The following MACROD2 variants were observed in gnomAD, a reference collection of about 807,000 sequenced individuals.
MACROD2 encodes the protein mono-ADP ribosylhydrolase 2.
In MACROD2, 36 loss-of-function variants were observed where a neutral mutation model predicts 70.4. The ratio of observed to expected loss-of-function variants is 0.51; its 90% CI spans 0.39 to 0.68. The LOEUF is 0.68. MACROD2 is among the 30% of genes least tolerant of loss of function. The pLI, the probability that MACROD2 is intolerant of heterozygous loss-of-function variation, is 0.00. For synonymous variants in MACROD2, 172 were observed against 178.8 expected, an observed-to-expected ratio of 0.96 and a Z score of 0.30; for missense variants, 496 against 538.4, an observed-to-expected ratio of 0.92 and a Z score of 0.78.
intron 6 of MACROD2, among the ~76,000 whole-genome samples, chr20:15,329,308 G>A (rs2077966356): frequency 6.6e-6 from 1 of 152,064 alleles, no homozygotes; most frequent in Admixed American, 6.6e-5. Context: ...GGGTGAGAGT[G>A]GTGTATCTGT....
chr20:15,355,743 C>T (rs1600285001), intron 6 of MACROD2, among the ~76,000 whole-genome samples: 1 of 152,178 alleles, frequency 6.6e-6, no homozygotes, highest in South Asian at 2.1e-4. Context: ...AATACTATCA[C>T]TTACGAAATT....
chr20:15,519,286 G>T (rs13041344), intron 8 of MACROD2, among the ~76,000 whole-genome samples: 1 of 151,804 alleles, frequency 6.6e-6, no homozygotes, highest in Non-Finnish European at 1.5e-5. Flanking sequence ...AATTTTTTTT[G>T]TTTGTTTTTT....
At chr20:15,480,588 G>C (rs1168571890) in intron 7 of MACROD2, among the ~76,000 whole-genome samples, 2 of 152,142 alleles carry the variant, frequency 1.3e-5, no homozygotes, top group Admixed American at 1.3e-4. Flanking sequence ...GTGGATGGCT[G>C]CCTGAGTTCT....
intron 8 of MACROD2, among the ~76,000 whole-genome samples, chr20:15,626,276 T>C (rs1474354098): frequency 6.6e-6 from 1 of 152,228 alleles, no homozygotes; most frequent in Non-Finnish European, 1.5e-5. Context: ...TATTACACAC[T>C]GGGATATGTT....
At chr20:14,374,642 A>G (rs2122756833) in intron 3 of MACROD2, among the ~76,000 whole-genome samples, 1 of 152,276 alleles carries the variant, frequency 6.6e-6, no homozygotes, top group Admixed American at 6.5e-5. Flanking sequence ...CATCAGCAAT[A>G]ATAGTTGGCT....
At chr20:15,722,944 C>T (rs967919392) in intron 8 of MACROD2, among the ~76,000 whole-genome samples, 23 of 152,116 alleles carry the variant, frequency 1.5e-4, no homozygotes, top group African/African-American at 5.1e-4. Flanking sequence ...ATATTAATAT[C>T]CAGTTGTCCC....
intron 3 of MACROD2, among the ~76,000 whole-genome samples, chr20:14,269,196 A>C (rs371004510): frequency 3.3e-5 from 5 of 152,206 alleles, no homozygotes; most frequent in African/African-American, 1.2e-4. Context: ...TAGATAATAC[A>C]CAGATCAACC....
intron 4 of MACROD2, among the ~76,000 whole-genome samples, chr20:14,619,439 G>GAGGA (rs1568702369): frequency 0.028 from 1,556 of 56,286 alleles, 129 homozygotes; most frequent in African/African-American, 0.07. Context: ...GGAAGGGAGG[G>GAGGA]AGGGAGGAAG....
chr20:14,710,458 T>C (rs1368272485), intron 5 of MACROD2, among the ~76,000 whole-genome samples: 1 of 152,228 alleles, frequency 6.6e-6, no homozygotes, highest in African/African-American at 2.4e-5. Flanking sequence ...TGGTTTACAG[T>C]TTCATCTTGC....
intron 8 of MACROD2, among the ~76,000 whole-genome samples, chr20:15,734,653 A>G (rs1021925899): frequency 2.0e-5 from 3 of 152,216 alleles, no homozygotes; most frequent in Non-Finnish European, 4.4e-5. Flanking sequence ...AACAAAAATC[A>G]TCTTCAACAA....
intron 4 of MACROD2, among the ~76,000 whole-genome samples, chr20:14,623,440 G>T (rs562889163): frequency 3.9e-5 from 6 of 152,248 alleles, no homozygotes; most frequent in African/African-American, 1.4e-4. Context: ...TTAACACCCT[G>T]GCAAGGGCTT....
intron 5 of MACROD2, among the ~76,000 whole-genome samples, chr20:14,716,048 A>T (rs960885942): frequency 6.6e-6 from 1 of 152,188 alleles, no homozygotes; most frequent in Non-Finnish European, 1.5e-5. Context: ...TGAACGCTAC[A>T]TATTCATGCA....
chr20:14,676,895 A>T (rs2070868698), intron 4 of MACROD2, among the ~76,000 whole-genome samples: 1 of 152,200 alleles, frequency 6.6e-6, no homozygotes, highest in African/African-American at 2.4e-5. Flanking sequence ...ATCACCACTG[A>T]TCCCATAGAA....
chr20:15,368,313 G>A (rs932198400), intron 6 of MACROD2, among the ~76,000 whole-genome samples: 1 of 151,840 alleles, frequency 6.6e-6, no homozygotes, highest in African/African-American at 2.4e-5. Context: ...GCTTTTCTAA[G>A]TAATTTGTAA....
In MACROD2 at chr20:14,520,318, AC is replaced by A. The variant is rs757528580; in HGVS notation, c.301+26811del. ...CTTCTTTTGAAACCCAACAAAAACA[AC>A]AAAAAAGAAAGAAAACTCAAGAAAA... On this transcript the variant is annotated intron_variant, in intron 4 of 17. Transcript: ENST00000684519. 3.9e-5 allele frequency among the ~76,000 whole-genome samples: 6 copies of A among 152,270 alleles called. No individual in the cohort carries two copies. The East Asian group carries it at 7.7e-4, about 20-fold the overall frequency.
At chr20:15,206,709 C>T (rs1448826307) in intron 5 of MACROD2, among the ~76,000 whole-genome samples, 4 of 109,304 alleles carry the variant, frequency 3.7e-5, no homozygotes, top group African/African-American at 1.5e-4. Flanking sequence ...TGAAGTCTTT[C>T]ATATTATCTA....
At chr20:15,374,269 T>C (rs1342530824) in intron 6 of MACROD2, among the ~76,000 whole-genome samples, 1 of 151,910 alleles carries the variant, frequency 6.6e-6, no homozygotes, top group Non-Finnish European at 1.5e-5. Context: ...CAATCCCTTA[T>C]ATATAATCAC....
At chr20:15,714,754 GC>G (rs2050682688) in intron 8 of MACROD2, among the ~76,000 whole-genome samples, 1 of 151,840 alleles carries the variant, frequency 6.6e-6, no homozygotes, top group Admixed American at 6.6e-5. Flanking sequence ...ACTAATATGT[GC>G]CACATACTTT....
intron 6 of MACROD2, among the ~76,000 whole-genome samples, chr20:15,300,602 A>C (rs2077632546): frequency 6.6e-6 from 1 of 152,216 alleles, no homozygotes; most frequent in Admixed American, 6.5e-5. Flanking sequence ...GCATATTCAA[A>C]AACTATTAAT....
Sources: allele counts gnomAD v4.1 joint callset (sites outside exome capture counted in the v4.1 genomes callset), GRCh38; gene constraint gnomAD v4.1.1; transcripts MANE v1.5; gene names NCBI Gene and HGNC (gene_info 2026-07-23, HGNC 2026-07-21).